PPP4R4: variants seen among roughly 807,000 people sequenced by gnomAD.
PPP4R4 encodes the protein serine/threonine-protein phosphatase 4 regulatory subunit 4.
Under a neutral mutation model 121.8 loss-of-function variants are expected in PPP4R4, and 70 were observed. The observed-to-expected ratio is 0.57, with a 90% CI of 0.47 to 0.70. PPP4R4 has a LOEUF of 0.70. PPP4R4 is among the 30% of genes least tolerant of loss of function. The pLI, the probability that PPP4R4 is intolerant of heterozygous loss-of-function variation, is 0.00. For missense variants in PPP4R4, 875 were observed against 1,033.6 expected (o/e 0.85, Z 2.10); for synonymous variants, 348 against 355.7 (o/e 0.98, Z 0.24).
intron 2 of PPP4R4, among the ~76,000 whole-genome samples, chr14:94,205,043 T>A (rs983432289): frequency 2.4e-4 from 36 of 152,216 alleles, no homozygotes; most frequent in African/African-American, 8.7e-4. Context: ...ATATATGAGG[T>A]ATACTGCTTT....
Position 94,230,684 on chromosome 14 carries a change from C to T in PPP4R4, c.392C>T (p.Thr131Ile), listed in dbSNP as rs773307598. The T allele has an allele frequency of 3.7e-6, 6 of 1,613,080 alleles. No individual in the cohort carries two copies. In the East Asian group the frequency reaches 6.7e-5, roughly 18 times the overall value. ...GAATCAGTGTCAATTCATGCATATA[C>T]CCACTCATTCCTCCAAGTCATTCTC... is the stretch of plus-strand genomic sequence containing the variant. ...QDESVSIHAY[T>I]HSFLQVILLH... The change falls in exon 4 of 25, where the codon ACC (threonine) becomes ATC (isoleucine). Residue 131 changes from threonine to isoleucine, a missense_variant. Thr to Ile is a moderately conservative substitution (Grantham distance 89, BLOSUM62 -1). Transcript: ENST00000304338.
At chr14:94,264,646 A>G (rs1893943975) in intron 19 of PPP4R4, among the ~76,000 whole-genome samples, 1 of 152,224 alleles carries the variant, frequency 6.6e-6, no homozygotes, top group Non-Finnish European at 1.5e-5. Context: ...TTACAATGAT[A>G]CCAAACTCAT....
At chr14:94,227,357 C>A (rs753126666) in intron 3 of PPP4R4, 3 of 1,611,684 alleles carry the variant, frequency 1.9e-6, no homozygotes, top group South Asian at 2.2e-5. Flanking sequence ...GGGTGTGACT[C>A]TGTGGAGGAG....
chr14:94,233,694 A>T lies in PPP4R4; in HGVS notation c.558A>T (p.Thr186=). Residue 186 remains threonine (T), a synonymous_variant, in exon 6 of 25, where the codon ACA becomes ACT. Coordinates refer to ENST00000304338, the MANE Select transcript of PPP4R4 (RefSeq NM_058237.2). The part of the protein sequence containing the change: ...PLVSKAQLSQ[T]VQSRLVSCKI... ...TTTCCAAGGCACAACTTTCCCAAAC[A>T]GTCCAGTCTCGTTTAGTTAGTTGTA... is the stretch of plus-strand genomic sequence containing the variant. 1 of 1,605,270 alleles carries T rather than the reference A, an allele frequency of 6.2e-7. No individual in the cohort carries two copies.
intron 3 of PPP4R4, among the ~76,000 whole-genome samples, chr14:94,208,957 A>G (rs933896278): frequency 5.3e-5 from 8 of 151,946 alleles, no homozygotes; most frequent in Admixed American, 4.6e-4. Context: ...AATTGACCCT[A>G]TGATGACTTC....
At chr14:94,218,941 T>G (rs954911951) in intron 3 of PPP4R4, among the ~76,000 whole-genome samples, 1 of 151,838 alleles carries the variant, frequency 6.6e-6, no homozygotes, top group Admixed American at 6.6e-5. Flanking sequence ...TCAACTGAAA[T>G]ATATACCCAG....
chr14:94,217,728 C>T (rs1891104090), intron 3 of PPP4R4, among the ~76,000 whole-genome samples: 1 of 152,212 alleles, frequency 6.6e-6, no homozygotes, highest in South Asian at 2.1e-4. Flanking sequence ...GGCGTGGTGG[C>T]TCACGCCTGT....
In PPP4R4 at chr14:94,244,646, T is replaced by C; in HGVS notation, c.1278T>C (p.Leu426=). 6.7e-7 allele frequency: 1 copy of C among 1,500,072 alleles called. No individual in the cohort carries two copies. The highest frequency in any genetic ancestry group is 2.5e-5 in the East Asian group (1 of 40,526). The allele number at this position is 1,500,072 out of a possible 1,614,324, so 92.9% of individuals were successfully genotyped here. A position where few individuals can be genotyped will look rare whatever the true frequency, so the allele number is the denominator to read the frequency against. Residue 426 remains leucine (L), a synonymous_variant, in exon 12 of 25, where the codon CTT becomes CTC. Coordinates refer to ENST00000304338, the MANE Select transcript of PPP4R4 (RefSeq NM_058237.2). Reference sequence around the variant, plus strand: ...TTGCTATATTTTAGGTATCTAAGCTTCTGAATTCTGGAGTATATTTAATAC... The same window carrying C: ...TTGCTATATTTTAGGTATCTAAGCTCCTGAATTCTGGAGTATATTTAATAC... ...IAICFYEVSK[L]LNSGVYLIHK...
At chr14:94,244,416 AC>A (rs1892782798) in intron 11 of PPP4R4, among the ~76,000 whole-genome samples, 5 of 152,076 alleles carry the variant, frequency 3.3e-5, no homozygotes, top group Admixed American at 2.6e-4. Context: ...GTATTTCCTC[AC>A]CCCATGTGTG....
At chr14:94,255,899 C>T (rs1030984477) in intron 16 of PPP4R4, among the ~76,000 whole-genome samples, 2 of 152,206 alleles carry the variant, frequency 1.3e-5, no homozygotes, top group Admixed American at 6.5e-5. Flanking sequence ...TTATTTACCA[C>T]TCTGAGCTCT....
intron 3 of PPP4R4, among the ~76,000 whole-genome samples, chr14:94,228,517 T>C (rs1233364588): frequency 6.6e-6 from 1 of 152,178 alleles, no homozygotes; most frequent in African/African-American, 2.4e-5. Flanking sequence ...GATGTTAGGG[T>C]AGAAGACAGC....
chr14:94,174,521 G>T lies in PPP4R4; in HGVS notation c.56G>T (p.Gly19Val). 1.9e-6 allele frequency: 3 copies of T among 1,612,498 alleles called. No homozygotes were observed. Among genetic ancestry groups the T allele is most frequent in the Non-Finnish European group, 1.7e-6 (2 of 1,179,248 alleles). ...GATTTCAGTCAGAACAGCCTGTTCG[G>T]TTACATGGAGGACCTGCAGGAGCTC... ...AMDFSQNSLF[G>V]YMEDLQELTI... is the part of the protein sequence containing the mutation. Residue 19 changes from glycine (G) to valine (V), a missense_variant, in exon 1 of 25, where the codon GGT becomes GTT. By Grantham distance (109) the Gly-to-Val change is moderately radical. Transcript: ENST00000304338.
intron 2 of PPP4R4, among the ~76,000 whole-genome samples, chr14:94,193,239 G>C (rs574721542): frequency 1.3e-5 from 2 of 152,180 alleles, no homozygotes; most frequent in African/African-American, 4.8e-5. Flanking sequence ...GCATAGCTTA[G>C]GAGCAGGAGT....
At chr14:94,177,354 A>G (rs1390891859) in intron 2 of PPP4R4, among the ~76,000 whole-genome samples, 2 of 152,136 alleles carry the variant, frequency 1.3e-5, no homozygotes, top group East Asian at 3.8e-4. Context: ...ATTCAACGGT[A>G]TGTGTTTTGG....
chr14:94,275,139 A>G (rs982811863), intron 23 of PPP4R4, among the ~76,000 whole-genome samples: 7 of 152,148 alleles, frequency 4.6e-5, no homozygotes, highest in Admixed American at 2.0e-4. Context: ...GTGATGGGGT[A>G]TGAGGGACTG....
At chr14:94,223,603 C>T (rs564163251) in intron 3 of PPP4R4, among the ~76,000 whole-genome samples, 169 of 152,286 alleles carry the variant, frequency 1.1e-3, no homozygotes, top group Middle Eastern at 3.4e-3. Flanking sequence ...GCTCACTTTT[C>T]TGGATATTTG....
At chr14:94,226,364 G>A (rs1891700072) in intron 3 of PPP4R4, among the ~76,000 whole-genome samples, 1 of 152,052 alleles carries the variant, frequency 6.6e-6, no homozygotes, top group Non-Finnish European at 1.5e-5. Context: ...TACAGACTTA[G>A]GAATGGTAAA....
At chr14:94,257,377 T>C (rs17129526) in intron 17 of PPP4R4, among the ~76,000 whole-genome samples, 35,886 of 151,966 alleles carry the variant, frequency 0.24, 5,090 homozygotes, top group East Asian at 0.59. Flanking sequence ...CAGGACACAT[T>C]GTTTTTGAGC....
intron 2 of PPP4R4, 129 bp from the exon 3 acceptor site, chr14:94,208,335 T>A (rs1890570798): frequency 1.1e-5 from 6 of 559,480 alleles, no homozygotes; most frequent in South Asian, 1.0e-4. Flanking sequence ...TATTTCTGGC[T>A]TAAAACTTAG....
Sources: allele counts gnomAD v4.1 joint callset (sites outside exome capture counted in the v4.1 genomes callset), GRCh38; gene constraint gnomAD v4.1.1; transcripts MANE v1.5; gene names NCBI Gene and HGNC (gene_info 2026-07-23, HGNC 2026-07-21).